Variants in DOCK3 observed in about 807,000 individuals in gnomAD.
The protein encoded by DOCK3 is dedicator of cytokinesis 3, also known as dedicator of cytokinesis protein 3.
Under a neutral mutation model 265.6 loss-of-function variants are expected in DOCK3, and 60 were observed. That is an observed-to-expected ratio of 0.23 (90% CI 0.18 to 0.28). DOCK3 has a LOEUF of 0.28. Ranked by LOEUF, DOCK3 falls within the 10% of genes least tolerant of loss-of-function variation. The pLI, the probability that DOCK3 is intolerant of heterozygous loss-of-function variation, is 1.00. For synonymous variants in DOCK3, 881 were observed against 938.0 expected, an observed-to-expected ratio of 0.94 and a Z score of 1.11; for missense variants, 1,981 against 2,594.3, an observed-to-expected ratio of 0.76 and a Z score of 5.14.
chr3:51,347,993 T>C (rs956666897), intron 38 of DOCK3, among the ~76,000 whole-genome samples: 4 of 152,226 alleles, frequency 2.6e-5, no homozygotes, highest in African/African-American at 9.6e-5. Context: ...TGATTTTGTA[T>C]CCTGAGACTT....
In DOCK3 at chr3:51,383,116, C is replaced by G. The variant is rs1293750220; in HGVS notation, c.*1557C>G. 2.0e-5 allele frequency: 3 copies of G among 152,324 alleles called. No homozygotes were observed. The highest frequency in any genetic ancestry group is 7.2e-5 in the African/African-American group (3 of 41,460). 9.4% of individuals were successfully genotyped at this position (152,324 alleles called of 1,614,324 possible). On this transcript the variant is annotated 3_prime_UTR_variant, in exon 53 of 53. Coordinates refer to ENST00000266037, the MANE Select transcript of DOCK3 (RefSeq NM_004947.5). Reference sequence around the variant, plus strand: ...GCCCAAGCCCCTTGTCCCTTCTCCACTGCCCCTCTTTCCAGACAGTAAAGG... The same window carrying G: ...GCCCAAGCCCCTTGTCCCTTCTCCAGTGCCCCTCTTTCCAGACAGTAAAGG...
In DOCK3 at chr3:51,381,528, T is replaced by C. The variant is rs1553618783; in HGVS notation, c.6062T>C (p.Met2021Thr). 6.4e-7 allele frequency: 1 copy of C among 1,565,610 alleles called. No homozygotes were observed. The highest frequency in any genetic ancestry group is 2.3e-5 in the East Asian group (1 of 43,262). ...PGSAKEEQAR[M>T]AWEHGRGEQ ...AGCGCTAAGGAGGAGCAGGCCCGCA[T>C]GGCCTGGGAGCACGGCCGAGGGGAG... The change falls in exon 53 of 53, where the codon ATG (methionine) becomes ACG (threonine). Residue 2021 changes from methionine (M) to threonine (T), a missense_variant. By Grantham distance (81) the Met-to-Thr change is moderately conservative (BLOSUM62 -1). Around this residue, in one of 4 missense-constraint regions of DOCK3, gnomAD observed 149 missense variants for 144.7 expected, o/e 1.03. Transcript: ENST00000266037. The surrounding 1 kb of genome is among the most constrained non-coding windows in gnomAD (Gnocchi z 5.6).
intron 5 of DOCK3, among the ~76,000 whole-genome samples, chr3:50,939,381 T>C (rs1447601549): frequency 2.0e-5 from 3 of 152,122 alleles, no homozygotes; most frequent in Non-Finnish European, 4.4e-5. Context: ...ATTCATCTTA[T>C]GAGGCTGCTA....
At chr3:50,703,090 T>A (rs1450790650) in intron 1 of DOCK3, among the ~76,000 whole-genome samples, 1 of 152,224 alleles carries the variant, frequency 6.6e-6, no homozygotes, top group Non-Finnish European at 1.5e-5. Context: ...TCTGCATCCA[T>A]TGATTTGATC....
intron 2 of DOCK3, among the ~76,000 whole-genome samples, chr3:50,803,816 G>A (rs1024248698): frequency 6.6e-6 from 1 of 151,008 alleles, no homozygotes; most frequent in African/African-American, 2.4e-5. Flanking sequence ...CCTCCTGGAA[G>A]GGGCAGCTGG....
intron 21 of DOCK3, among the ~76,000 whole-genome samples, chr3:51,242,835 C>A (rs2078667786): frequency 6.6e-6 from 1 of 152,128 alleles, no homozygotes; most frequent in Admixed American, 6.5e-5. Context: ...GCAAAACCTG[C>A]CAGTACAGAC....
chr3:50,798,119 C>T (rs1325343234), intron 2 of DOCK3, among the ~76,000 whole-genome samples: 2 of 152,002 alleles, frequency 1.3e-5, no homozygotes, highest in Non-Finnish European at 2.9e-5. Context: ...AAGTATTGAT[C>T]ACAGGTGGAA....
chr3:50,874,539 T>A (rs919906594), intron 3 of DOCK3, among the ~76,000 whole-genome samples: 1 of 151,496 alleles, frequency 6.6e-6, no homozygotes, highest in Admixed American at 6.6e-5. Flanking sequence ...ACAAAAAAAG[T>A]ATAGGCATTT....
intron 10 of DOCK3, among the ~76,000 whole-genome samples, chr3:51,150,304 T>C (rs2085517513): frequency 6.6e-6 from 1 of 152,140 alleles, no homozygotes; most frequent in African/African-American, 2.4e-5. Context: ...GATTCATTGA[T>C]TTTTTGAAGG....
chr3:51,298,814 G>T (rs1287261022), intron 27 of DOCK3, among the ~76,000 whole-genome samples: 1 of 152,100 alleles, frequency 6.6e-6, no homozygotes, highest in East Asian at 1.9e-4. Context: ...GTGTATTGTT[G>T]ATAGGCATTT....
At chr3:51,029,397 G>A (rs1027931666) in intron 5 of DOCK3, among the ~76,000 whole-genome samples, 1 of 152,176 alleles carries the variant, frequency 6.6e-6, no homozygotes, top group East Asian at 1.9e-4. Context: ...CTCAGCATGT[G>A]CTTGGCTTTC....
intron 2 of DOCK3, chr3:50,787,597 T>C (rs1245218908): frequency 5.9e-5 from 67 of 1,139,918 alleles, no homozygotes; most frequent in Non-Finnish European, 8.5e-5. Context: ...CACTGGTGCT[T>C]CAGGCTCCTT....
intron 27 of DOCK3, among the ~76,000 whole-genome samples, chr3:51,288,903 GGT>G (rs146598674): frequency 0.016 from 2,244 of 143,856 alleles, 51 homozygotes; most frequent in African/African-American, 0.047. Context: ...TGTGTGTGTG[GGT>G]GTGTGTGTGT....
chr3:51,342,261 A>G (rs895448184), intron 38 of DOCK3, among the ~76,000 whole-genome samples: 3 of 152,236 alleles, frequency 2.0e-5, no homozygotes, highest in South Asian at 2.1e-4. Context: ...ATGTTTGTCA[A>G]AAATATTCAC....
At chr3:50,881,680 G>A (rs967443818) in intron 3 of DOCK3, among the ~76,000 whole-genome samples, 5 of 152,074 alleles carry the variant, frequency 3.3e-5, no homozygotes, top group Admixed American at 1.3e-4. Context: ...CGTGAAAATG[G>A]CCATACTGCC....
chr3:50,788,861 C>T (rs1051071945), intron 2 of DOCK3, among the ~76,000 whole-genome samples: 6 of 152,250 alleles, frequency 3.9e-5, no homozygotes, highest in African/African-American at 9.6e-5. Context: ...TGCGAGGGCG[C>T]GTGCCCGCCC....
intron 5 of DOCK3, among the ~76,000 whole-genome samples, chr3:51,027,816 A>G (rs899302280): frequency 4.0e-5 from 6 of 151,800 alleles, no homozygotes; most frequent in African/African-American, 1.2e-4. Context: ...CATTGAGCCT[A>G]TGGGTGTCAT....
At chr3:50,859,614 A>G (rs1264089390) in intron 3 of DOCK3, among the ~76,000 whole-genome samples, 2 of 152,098 alleles carry the variant, frequency 1.3e-5, no homozygotes, top group Non-Finnish European at 2.9e-5. Context: ...ACTACAGTGT[A>G]GGTTGAGTAC....
At chr3:50,861,973 CAGCT>C (rs2046937736) in intron 3 of DOCK3, among the ~76,000 whole-genome samples, 1 of 151,132 alleles carries the variant, frequency 6.6e-6, no homozygotes, top group Non-Finnish European at 1.5e-5. Flanking sequence ...ATAGTATTGT[CAGCT>C]AGTTGCTTTG....
Sources: allele counts gnomAD v4.1 joint callset (sites outside exome capture counted in the v4.1 genomes callset), GRCh38; gene constraint gnomAD v4.1.1; regional missense constraint gnomAD v4.1.1; non-coding constraint Gnocchi (gnomAD v3.1); transcripts MANE v1.5; gene names NCBI Gene and HGNC (gene_info 2026-07-23, HGNC 2026-07-21).